IGSF5: variants seen among roughly 807,000 people sequenced by gnomAD.
IGSF5 encodes the protein immunoglobulin superfamily member 5.
In IGSF5, 41 loss-of-function variants were observed where a neutral mutation model predicts 39.4. The observed-to-expected ratio is 1.04, with a 90% CI of 0.81 to 1.35. The LOEUF is 1.35. IGSF5 is among the 40% of genes most tolerant of loss of function. The pLI is 0.00. For missense variants in IGSF5, 487 were observed against 494.6 expected (o/e 0.98, Z 0.15); for synonymous variants, 183 against 175.3 (o/e 1.04, Z -0.34).
chr21:39,779,995 T>C (rs2080162205), intron 5 of IGSF5, among the ~76,000 whole-genome samples: 1 of 152,196 alleles, frequency 6.6e-6, no homozygotes, highest in Admixed American at 6.5e-5. Flanking sequence ...ATGATGACTG[T>C]AATTAATTAT....
At chr21:39,737,086 G>A in the IGSF5 span, among the ~76,000 whole-genome samples, 6 of 151,966 alleles carry the variant, frequency 3.9e-5, no homozygotes, top group Admixed American at 1.3e-4. Flanking sequence ...GAGATTATTC[G>A]GCTAATATGT....
chr21:39,798,327 C>A (rs532244920), intron 8 of IGSF5, among the ~76,000 whole-genome samples: 1 of 152,316 alleles, frequency 6.6e-6, no homozygotes, highest in African/African-American at 2.4e-5. Context: ...TGCCCAGCAT[C>A]CTGAGGCCTT....
In IGSF5 at chr21:39,801,485, T is replaced by C. The variant is rs1389842028; in HGVS notation, c.*128T>C. 12 of 603,710 alleles carry C rather than the reference T, an allele frequency of 2.0e-5. No homozygotes were observed. The highest frequency in any genetic ancestry group is 3.2e-5 in the Non-Finnish European group (11 of 343,262). 37.4% of individuals were successfully genotyped at this position (603,710 alleles called of 1,614,324 possible). On this transcript the variant is annotated 3_prime_UTR_variant, in exon 9 of 9. Transcript: ENST00000380588. ...ATTACCTGAAGAGGAGATGTCGGAG[T>C]CATCAGAACTGATACTTGACAGTGA...
the IGSF5 span, among the ~76,000 whole-genome samples, chr21:39,713,558 G>A: frequency 6.6e-6 from 1 of 152,164 alleles, no homozygotes; most frequent in Non-Finnish European, 1.5e-5. Context: ...GGCTGTATGG[G>A]CCCAACAGCA....
intron 2 of IGSF5, among the ~76,000 whole-genome samples, chr21:39,761,405 G>A (rs1433755288): frequency 6.6e-6 from 1 of 152,202 alleles, no homozygotes; most frequent in African/African-American, 2.4e-5. Context: ...TTGACAAGTG[G>A]TATCCAATTA....
Position 39,771,160 on chromosome 21 carries a change from C to T in IGSF5, c.663C>T (p.Ser221=). 6.2e-7 allele frequency: 1 copy of T among 1,604,074 alleles called. No homozygotes were observed. Among genetic ancestry groups the T allele is most frequent in the Non-Finnish European group, 8.5e-7 (1 of 1,174,176 alleles). ...TGACTTGCGTGGCTACCTGGAAGAG[C>T]CTGAAGGCCCGCAAGTCTGCAACTG... The part of the protein sequence containing the change: ...GTLTCVATWK[S]LKARKSATVN... Residue 221 remains serine (S), a synonymous_variant, in exon 4 of 9, where the codon AGC becomes AGT. Coordinates refer to ENST00000380588, the MANE Select transcript of IGSF5 (RefSeq NM_001080444.2).
chr21:39,750,217 G>A (rs922815186), intron 2 of IGSF5, among the ~76,000 whole-genome samples: 33 of 152,062 alleles, frequency 2.2e-4, no homozygotes, highest in African/African-American at 3.9e-4. Flanking sequence ...AGCATTCTTC[G>A]CCTCCCCTGG....
chr21:39,727,700 G>A, the IGSF5 span: 1 of 152,234 alleles, frequency 6.6e-6, no homozygotes, highest in Non-Finnish European at 1.5e-5. Flanking sequence ...GTCATTTGGA[G>A]ATGGTGGCTG....
chr21:39,715,684 A>T, the IGSF5 span, among the ~76,000 whole-genome samples: 2 of 152,232 alleles, frequency 1.3e-5, no homozygotes, highest in East Asian at 3.8e-4. Flanking sequence ...CTTGTATAGT[A>T]CACAGAGTGT....
chr21:39,736,250 T>C, the IGSF5 span, among the ~76,000 whole-genome samples: 2 of 152,152 alleles, frequency 1.3e-5, no homozygotes, highest in African/African-American at 2.4e-5. Context: ...CCTCAGGGAT[T>C]CCCAGGGCCT....
At chr21:39,755,402 C>G (rs183596938) in intron 2 of IGSF5, among the ~76,000 whole-genome samples, 22 of 151,952 alleles carry the variant, frequency 1.4e-4, no homozygotes, top group African/African-American at 5.3e-4. Flanking sequence ...CTGGCTAACA[C>G]GGTGAAACCC....
In IGSF5 at chr21:39,791,976, A is replaced by G. The variant is rs1336487671; in HGVS notation, c.957-32A>G. On this transcript the variant is annotated intron_variant, in intron 6 of 8. Transcript: ENST00000380588. Reference sequence around the variant, plus strand: ...ACATTTGGCAATGTTAATGCCAACAATTAACATGAACATAAAATGGTCTAA... The same window carrying G: ...ACATTTGGCAATGTTAATGCCAACAGTTAACATGAACATAAAATGGTCTAA... 3 of 1,471,672 alleles carry G rather than the reference A, an allele frequency of 2.0e-6. No individual in the cohort carries two copies. The South Asian group carries it at 3.5e-5, about 17-fold the overall frequency. The allele number at this position is 1,471,672 out of a possible 1,614,324, so 91.2% of individuals were successfully genotyped here. A position where few individuals can be genotyped will look rare whatever the true frequency, so the allele number is the denominator to read the frequency against.
intron 4 of IGSF5, 98 bp downstream of exon 4, chr21:39,771,313 T>C: frequency 2.6e-6 from 3 of 1,175,118 alleles, no homozygotes; most frequent in Non-Finnish European, 3.5e-6. Context: ...GGAAAAATCA[T>C]ATGGCGACCT....
Position 39,793,585 on chromosome 21 carries a change from G to T in IGSF5, c.1100G>T (p.Arg367Ile). The change falls in exon 8 of 9, where the codon AGA becomes ATA. Residue 367 changes from arginine (R) to isoleucine (I), a missense_variant. Coordinates refer to ENST00000380588, the MANE Select transcript of IGSF5 (RefSeq NM_001080444.2). The part of the protein sequence containing the change: ...KSCESSDPEQ[R>I]NSSCGPPHQR... ...TGTGAATCCAGTGATCCTGAACAAA[G>T]AAACAGTAGCTGTGGCCCTCCTCAC... 1 of 1,614,048 alleles carries T rather than the reference G, an allele frequency of 6.2e-7. No homozygotes were observed. Among genetic ancestry groups the T allele is most frequent in the African/African-American group, 1.3e-5 (1 of 75,038 alleles).
chr21:39,726,207 G>A, the IGSF5 span: 6 of 152,038 alleles, frequency 3.9e-5, no homozygotes, highest in Non-Finnish European at 8.8e-5. Flanking sequence ...GAGAGACCAC[G>A]AAGTCAGACC....
At chr21:39,756,941 C>T (rs117842372) in intron 2 of IGSF5, among the ~76,000 whole-genome samples, 964 of 152,086 alleles carry the variant, frequency 6.3e-3, no homozygotes, top group Non-Finnish European at 0.011. Flanking sequence ...CAGGCTTTAC[C>T]CCATCTATCC....
intron 8 of IGSF5, among the ~76,000 whole-genome samples, chr21:39,799,769 T>C (rs1416499419): frequency 6.6e-6 from 1 of 152,130 alleles, no homozygotes; most frequent in Admixed American, 6.5e-5. Flanking sequence ...ACACTCTTAA[T>C]TAACCCTTCC....
At chr21:39,784,313 C>T (rs929579788) in intron 5 of IGSF5, among the ~76,000 whole-genome samples, 4 of 152,176 alleles carry the variant, frequency 2.6e-5, no homozygotes, top group Non-Finnish European at 5.9e-5. Context: ...TTATTTCTAA[C>T]ATGAGCTATG....
Position 39,770,900 on chromosome 21 carries a change from C to T in IGSF5, c.419-16C>T. On this transcript the variant is annotated splice_polypyrimidine_tract_variant and intron_variant, in intron 3 of 8. Transcript: ENST00000380588. ...ATGGTCATGTCTTCAATGTGTTTCT[C>T]TCTTTTCTTCTTTAGTTATGGGAGA... 1 of 1,458,448 alleles carries T rather than the reference C, an allele frequency of 6.9e-7. No homozygotes were observed. The highest frequency in any genetic ancestry group is 2.4e-5 in the Admixed American group (1 of 42,182). The allele number at this position is 1,458,448 out of a possible 1,614,324, so 90.3% of individuals were successfully genotyped here. A position where few individuals can be genotyped will look rare whatever the true frequency, so the allele number is the denominator to read the frequency against.
Sources: gnomAD v4.1 joint callset for allele counts (sites outside exome capture counted in the v4.1 genomes callset) on GRCh38, gnomAD v4.1.1 for gene constraint, MANE v1.5 for transcripts, NCBI Gene and HGNC (gene_info 2026-07-23, HGNC 2026-07-21) for gene names.